Variants in HAPSTR1 observed in about 807,000 individuals in gnomAD.
HAPSTR1 encodes HUWE1-associated protein modifying stress responses 1.
At chr16:9,118,908 T>G in the HAPSTR1 span, 3 of 152,668 alleles carry the variant, frequency 2.0e-5, no homozygotes, top group South Asian at 2.1e-4. Context: ...ATTTTTTGGT[T>G]GTTTTGTTTA....
At chr16:9,104,349 C>T in the HAPSTR1 span, 1 of 152,214 alleles carries the variant, frequency 6.6e-6, no homozygotes, top group East Asian at 1.9e-4. Context: ...GTGATCCGCC[C>T]ACCTTGGCCT....
chr16:9,102,244 G>A, the HAPSTR1 span, among the ~76,000 whole-genome samples: 1 of 152,242 alleles, frequency 6.6e-6, no homozygotes, highest in African/African-American at 2.4e-5. Context: ...TACTGGTGAT[G>A]TTCTGCTGGC....
the HAPSTR1 span, chr16:9,118,999 A>G: frequency 6.5e-6 from 1 of 152,758 alleles, no homozygotes; most frequent in African/African-American, 2.4e-5. Context: ...TTTCTTTGGT[A>G]AGAGAAAGCA....
At chr16:9,092,463 G>T in the HAPSTR1 span, among the ~76,000 whole-genome samples, 1 of 152,126 alleles carries the variant, frequency 6.6e-6, no homozygotes, top group Non-Finnish European at 1.5e-5. Context: ...GGGTTGGGGG[G>T]ACAGGCCAGA....
the HAPSTR1 span, chr16:9,117,227 G>T: frequency 4.1e-6 from 1 of 244,394 alleles, no homozygotes; most frequent in Non-Finnish European, 7.9e-6. Context: ...CAAAGGGAAA[G>T]GAAATATCAG....
chr16:9,096,289 T>C, the HAPSTR1 span, among the ~76,000 whole-genome samples: 55 of 152,358 alleles, frequency 3.6e-4, no homozygotes, highest in Admixed American at 1.7e-3. Flanking sequence ...TTTTTCTCAA[T>C]GTGGGCAGTG....
At chr16:9,103,763 C>G in the HAPSTR1 span, 2 of 155,436 alleles carry the variant, frequency 1.3e-5, no homozygotes, top group African/African-American at 4.8e-5. Context: ...CCTGTCGTCC[C>G]TCAGGTCCCT....
the HAPSTR1 span, chr16:9,117,698 A>G: frequency 1.3e-5 from 2 of 152,534 alleles, no homozygotes; most frequent in Admixed American, 6.5e-5. Context: ...GTAAACATGT[A>G]GACTGCATTC....
At chr16:9,110,795 T>G in the HAPSTR1 span, 1 of 152,284 alleles carries the variant, frequency 6.6e-6, no homozygotes, top group Non-Finnish European at 1.5e-5. Flanking sequence ...CCCAGCACTT[T>G]GGGAGGCCAA....
chr16:9,098,938 A>G, the HAPSTR1 span, among the ~76,000 whole-genome samples: 1 of 152,164 alleles, frequency 6.6e-6, no homozygotes, highest in Admixed American at 6.5e-5. Context: ...GCTCTAATTC[A>G]CATGAATCAA....
At chr16:9,109,462 GT>G in the HAPSTR1 span, 1 of 152,212 alleles carries the variant, frequency 6.6e-6, no homozygotes, top group East Asian at 1.9e-4. Context: ...GATTCAGACT[GT>G]TCCATAAAAG....
chr16:9,096,953 T>C, the HAPSTR1 span, among the ~76,000 whole-genome samples: 6 of 152,188 alleles, frequency 3.9e-5, no homozygotes, highest in African/African-American at 1.4e-4. Context: ...TTTTTTTTCC[T>C]TTTTTGGAGA....
At chr16:9,120,673 C>CTTTTTTT in the HAPSTR1 span, 75 of 100,604 alleles carry the variant, frequency 7.5e-4, 1 homozygote, top group African/African-American at 2.0e-3. Context: ...ATGGTGAAAT[C>CTTTTTTT]TTTTTTTTTT....
chr16:9,116,051 TA>T, the HAPSTR1 span, among the ~76,000 whole-genome samples: 4 of 152,234 alleles, frequency 2.6e-5, no homozygotes, highest in Admixed American at 6.5e-5. Context: ...TTCCAGACCT[TA>T]GGTGATCACA....
chr16:9,103,781 T>C, the HAPSTR1 span: 2 of 154,554 alleles, frequency 1.3e-5, no homozygotes, highest in South Asian at 2.0e-4. Flanking sequence ...CCTTGCACTT[T>C]AAGAGGCAGG....
the HAPSTR1 span, chr16:9,109,048 T>G: frequency 6.6e-6 from 1 of 152,210 alleles, no homozygotes; most frequent in African/African-American, 2.4e-5. Context: ...CCTCCCTGTT[T>G]AGTAGTAAGG....
the HAPSTR1 span, among the ~76,000 whole-genome samples, chr16:9,096,730 C>G: frequency 6.6e-6 from 1 of 152,232 alleles, no homozygotes; most frequent in Non-Finnish European, 1.5e-5. Context: ...GTGAGAAACC[C>G]TAAGCATTAA....
At chr16:9,109,636 A>G in the HAPSTR1 span, 2 of 152,218 alleles carry the variant, frequency 1.3e-5, no homozygotes, top group Admixed American at 6.5e-5. Flanking sequence ...ATAGGCACCA[A>G]TGGGAACCAT....
the HAPSTR1 span, among the ~76,000 whole-genome samples, chr16:9,097,940 C>G: frequency 2.0e-5 from 3 of 152,296 alleles, no homozygotes; most frequent in African/African-American, 7.2e-5. Context: ...GAGCTTCTCT[C>G]GAAACATGGT....
Sources: allele counts gnomAD v4.1 joint callset (sites outside exome capture counted in the v4.1 genomes callset), GRCh38; gene constraint gnomAD v4.1.1; transcripts MANE v1.5; gene names NCBI Gene and HGNC (gene_info 2026-07-23, HGNC 2026-07-21).